The following GPC5 variants were observed in gnomAD, a reference collection of about 807,000 sequenced individuals.
GPC5 encodes glypican 5.
In GPC5, 47 loss-of-function variants were observed where a neutral mutation model predicts 53.9. The ratio of observed to expected loss-of-function variants is 0.87; its 90% CI spans 0.69 to 1.11. GPC5 has a LOEUF of 1.11. Ranked by LOEUF, GPC5 falls within the 50% of genes most tolerant of loss-of-function variation. The pLI is 0.00. For synonymous variants in GPC5, 286 were observed against 263.3 expected, an observed-to-expected ratio of 1.09 and a Z score of -0.84; for missense variants, 748 against 713.1, an observed-to-expected ratio of 1.05 and a Z score of -0.56.
chr13:91,685,948 A>T (rs1269783607), intron 2 of GPC5, among the ~76,000 whole-genome samples: 1 of 151,614 alleles, frequency 6.6e-6, no homozygotes, highest in Non-Finnish European at 1.5e-5. Context: ...AAAAACAAAG[A>T]AAAAGAGGAA....
intron 2 of GPC5, among the ~76,000 whole-genome samples, chr13:91,588,668 G>T (rs530478849): frequency 4.6e-5 from 7 of 152,180 alleles, no homozygotes; most frequent in African/African-American, 1.7e-4. Flanking sequence ...AAACAAGAGG[G>T]ACCTCTTTTC....
At position 92,498,278 on chromosome 13, in the gene GPC5, G is replaced by A. The variant is rs147243824; in HGVS notation, c.1561+353289G>A. Among the ~76,000 whole-genome samples, 18 of 152,168 alleles carry A rather than the reference G, an allele frequency of 1.2e-4. No individual in the cohort carries two copies. In the East Asian group the frequency reaches 1.4e-3, roughly 11 times the overall value. On this transcript the variant is annotated intron_variant, in intron 7 of 7. Coordinates refer to ENST00000377067, the MANE Select transcript of GPC5 (RefSeq NM_004466.6). ...CCTGATTCTTTTCTTGGGGTGGGCT[G>A]TCTGCATGCACAATGGGCTTTTAGC...
At chr13:91,920,924 CTCTTTTTTTTTTTTT>C (rs1307193472) in intron 6 of GPC5, among the ~76,000 whole-genome samples, 9 of 59,586 alleles carry the variant, frequency 1.5e-4, no homozygotes, top group South Asian at 8.8e-4. Flanking sequence ...CTCTCTCTCT[CTCTTTTTTTTTTTTT>C]TTTTTTTTTT....
intron 5 of GPC5, among the ~76,000 whole-genome samples, chr13:91,897,576 A>T (rs754858448): frequency 7.2e-5 from 11 of 152,142 alleles, no homozygotes; most frequent in Non-Finnish European, 1.5e-4. Flanking sequence ...CCTGGACCAC[A>T]TATCAAGGCC....
intron 7 of GPC5, among the ~76,000 whole-genome samples, chr13:92,788,183 A>T (rs1382390708): frequency 6.6e-6 from 1 of 152,066 alleles, no homozygotes; most frequent in East Asian, 1.9e-4. Flanking sequence ...TGAACACATA[A>T]TTTTTTTAAA....
intron 7 of GPC5, among the ~76,000 whole-genome samples, chr13:92,829,594 G>A (rs1877979171): frequency 6.6e-6 from 1 of 152,054 alleles, no homozygotes; most frequent in Admixed American, 6.6e-5. Flanking sequence ...AATTCTCAGT[G>A]GAGACATTTT....
At chr13:91,733,068 GT>G (rs1218734759) in intron 4 of GPC5, among the ~76,000 whole-genome samples, 2 of 152,140 alleles carry the variant, frequency 1.3e-5, no homozygotes, top group East Asian at 3.9e-4. Flanking sequence ...AATGTCAATG[GT>G]AGTTTGATGG....
At chr13:91,418,507 G>A (rs1878390498) in intron 1 of GPC5, among the ~76,000 whole-genome samples, 1 of 152,156 alleles carries the variant, frequency 6.6e-6, no homozygotes, top group African/African-American at 2.4e-5. Flanking sequence ...GGAAAGAAAA[G>A]GCTAGAGTAT....
At chr13:92,253,239 G>A (rs1367902423) in intron 7 of GPC5, among the ~76,000 whole-genome samples, 3 of 152,100 alleles carry the variant, frequency 2.0e-5, no homozygotes, top group African/African-American at 4.8e-5. Context: ...AAAAGAGTGA[G>A]CGTTTTAACC....
At chr13:92,073,890 C>T (rs943264804) in intron 6 of GPC5, among the ~76,000 whole-genome samples, 5 of 152,142 alleles carry the variant, frequency 3.3e-5, no homozygotes, top group Admixed American at 1.3e-4. Context: ...TTACTCCCAT[C>T]CTGCTGTTCT....
chr13:91,847,004 G>C (rs1283357801), intron 5 of GPC5, among the ~76,000 whole-genome samples: 1 of 152,030 alleles, frequency 6.6e-6, no homozygotes, highest in African/African-American at 2.4e-5. Context: ...CGGATCACTA[G>C]GTCAGGAGAT....
At chr13:92,814,109 T>C (rs890330328) in intron 7 of GPC5, among the ~76,000 whole-genome samples, 2 of 151,966 alleles carry the variant, frequency 1.3e-5, no homozygotes, top group African/African-American at 2.4e-5. Context: ...GAAGCTACAA[T>C]GGGAATTTAG....
intron 7 of GPC5, among the ~76,000 whole-genome samples, chr13:92,722,299 A>G (rs1407703323): frequency 6.6e-6 from 1 of 152,002 alleles, no homozygotes; most frequent in African/African-American, 2.4e-5. Flanking sequence ...CCTTCATAGT[A>G]TTTTCTGTCC....
chr13:92,631,177 A>T (rs2139132002), intron 7 of GPC5, among the ~76,000 whole-genome samples: 1 of 152,194 alleles, frequency 6.6e-6, no homozygotes, highest in African/African-American at 2.4e-5. Flanking sequence ...ATTAAATGAG[A>T]AAATGCTTGT....
At chr13:92,677,541 G>C (rs541521054) in intron 7 of GPC5, among the ~76,000 whole-genome samples, 1 of 152,302 alleles carries the variant, frequency 6.6e-6, no homozygotes, top group South Asian at 2.1e-4. Flanking sequence ...TGAGAAAGAA[G>C]AGATAATTTA....
At chr13:92,803,223 A>G (rs1876973247) in intron 7 of GPC5, among the ~76,000 whole-genome samples, 1 of 151,942 alleles carries the variant, frequency 6.6e-6, no homozygotes, top group Non-Finnish European at 1.5e-5. Flanking sequence ...AGAGGAACAT[A>G]CTTTTGAATT....
intron 6 of GPC5, among the ~76,000 whole-genome samples, chr13:92,108,758 T>A (rs759340579): frequency 2.0e-5 from 3 of 152,150 alleles, no homozygotes; most frequent in Admixed American, 6.5e-5. Context: ...CCTCTTGAAC[T>A]TTTTTCTCTC....
intron 7 of GPC5, among the ~76,000 whole-genome samples, chr13:92,461,289 G>T (rs1036176186): frequency 6.6e-6 from 1 of 152,166 alleles, no homozygotes; most frequent in African/African-American, 2.4e-5. Context: ...CTATGGGTCA[G>T]GTCCTGCTTT....
chr13:91,543,905 A>G (rs1235585455), intron 2 of GPC5, among the ~76,000 whole-genome samples: 2 of 152,198 alleles, frequency 1.3e-5, no homozygotes, highest in Non-Finnish European at 2.9e-5. Context: ...GTATTAGGTA[A>G]TTGTGCTAAA....
Sources: gnomAD v4.1 joint callset for allele counts (sites outside exome capture counted in the v4.1 genomes callset) on GRCh38, gnomAD v4.1.1 for gene constraint, MANE v1.5 for transcripts, NCBI Gene and HGNC (gene_info 2026-07-23, HGNC 2026-07-21) for gene names.